SLC39A10: variants seen among roughly 807,000 people sequenced by gnomAD.
SLC39A10 encodes zinc transporter ZIP10.
SLC39A10 carries 13 observed loss-of-function variants against 65.1 expected under a neutral mutation model. The ratio of observed to expected loss-of-function variants is 0.20; its 90% CI spans 0.13 to 0.32. The LOEUF is 0.32. SLC39A10 is among the 10% of genes least tolerant of loss of function. SLC39A10 has a pLI of 1.00. For synonymous variants in SLC39A10, 321 were observed against 342.2 expected, an observed-to-expected ratio of 0.94 and a Z score of 0.68; for missense variants, 831 against 1,018.4, an observed-to-expected ratio of 0.82 and a Z score of 2.50.
At chr2:195,639,325 T>C (rs990556144) in intron 2 of SLC39A10, among the ~76,000 whole-genome samples, 1 of 152,206 alleles carries the variant, frequency 6.6e-6, no homozygotes, top group Non-Finnish European at 1.5e-5. Flanking sequence ...ATGATCAGAC[T>C]GGGGTTAAGA....
chr2:195,665,873 T>G (rs1689615645), intron 1 of SLC39A10, among the ~76,000 whole-genome samples: 1 of 152,238 alleles, frequency 6.6e-6, no homozygotes, highest in Non-Finnish European at 1.5e-5. Flanking sequence ...CATACCTTCC[T>G]ATTTCCTGTA....
intron 2 of SLC39A10, among the ~76,000 whole-genome samples, chr2:195,617,756 T>TTTATTTTATTTTAC (rs1688251585): frequency 6.6e-6 from 1 of 151,212 alleles, no homozygotes; most frequent in Admixed American, 6.6e-5. Flanking sequence ...TTTATTTTAT[T>TTTATTTTATTTTAC]TTTGAGACAG....
intron 9 of SLC39A10, among the ~76,000 whole-genome samples, chr2:195,729,961 A>ATTTT (rs58936616): frequency 0.37 from 33,702 of 91,644 alleles, 7,117 homozygotes; most frequent in Non-Finnish European, 0.45. Context: ...ACCATGCCTA[A>ATTTT]TTTTTTTTTT....
intron 2 of SLC39A10, among the ~76,000 whole-genome samples, chr2:195,633,253 T>C (rs2105698784): frequency 6.6e-6 from 1 of 152,338 alleles, no homozygotes; most frequent in Non-Finnish European, 1.5e-5. Context: ...CAAACTCCAC[T>C]CCACTCAACT....
At chr2:195,637,103 G>A (rs1167646018) in intron 2 of SLC39A10, among the ~76,000 whole-genome samples, 4 of 152,182 alleles carry the variant, frequency 2.6e-5, no homozygotes, top group Admixed American at 2.0e-4. Context: ...CCACAGTTAA[G>A]GTGAATGAGA....
At position 195,716,714 on chromosome 2, in the gene SLC39A10, C is replaced by T. The variant is rs1357479505; in HGVS notation, c.1774C>T (p.Pro592Ser). 5 of 1,614,058 alleles carry T rather than the reference C, an allele frequency of 3.1e-6. No individual in the cohort carries two copies. The Middle Eastern group carries it at 4.9e-4, about 160-fold the overall frequency. Residue 592 changes from proline to serine, a missense_variant, in exon 7 of 10, where the codon CCT (proline) becomes TCT (serine). Pro to Ser is a moderately conservative substitution (Grantham distance 74). Transcript: ENST00000359634. ...AGATTTAGAAGGCCAACAAGAATCCCCTCCTAAAAATTACCTTTGTATAGA... is the reference window on the plus strand; with the variant it reads ...AGATTTAGAAGGCCAACAAGAATCCTCTCCTAAAAATTACCTTTGTATAGA... ...LTDLEGQQES[P>S]PKNYLCIEEE...
At chr2:195,662,484 C>T (rs988921684) in intron 1 of SLC39A10, among the ~76,000 whole-genome samples, 1 of 20,216 alleles carries the variant, frequency 4.9e-5, no homozygotes, top group African/African-American at 2.0e-4. Context: ...CCATGTTGCC[C>T]AGGCTGGTCT....
At chr2:195,730,105 CATTGTTTATTTTTAA>C (rs1692387247) in intron 9 of SLC39A10, among the ~76,000 whole-genome samples, 1 of 151,564 alleles carries the variant, frequency 6.6e-6, no homozygotes, top group Non-Finnish European at 1.5e-5. Flanking sequence ...ATGCCCTGCC[CATTGTTTATTTTTAA>C]ATTTTCCTCT....
In SLC39A10 at chr2:195,630,916, C is replaced by CGGT. The variant is rs140655711; in HGVS notation, c.-12+24686_-12+24688dup. Among the ~76,000 whole-genome samples, 1,045 of 152,244 alleles carry CGGT rather than the reference C, an allele frequency of 6.9e-3. 9 individuals carry two copies. Among genetic ancestry groups the CGGT allele is most frequent in the African/African-American group, 0.024 (989 of 41,550 alleles). On this transcript the variant is annotated intron_variant, in intron 2 of 2. Transcript: ENST00000458054. ...AAATATATCAGCATTTGGCCTGGTG[C>CGGT]GGTGGCTCATGCCTGTAATCCCAGC...
chr2:195,670,774 C>T (rs556020573), intron 1 of SLC39A10, among the ~76,000 whole-genome samples: 8 of 152,082 alleles, frequency 5.3e-5, no homozygotes, highest in African/African-American at 1.9e-4. Flanking sequence ...TTTACAACTT[C>T]TTGTGAATCT....
intron 2 of SLC39A10, among the ~76,000 whole-genome samples, chr2:195,617,895 A>G (rs1286006265): frequency 2.0e-5 from 3 of 150,518 alleles, no homozygotes; most frequent in Non-Finnish European, 3.0e-5. Flanking sequence ...GCCCGCCACC[A>G]CGCCCGGCTA....
At chr2:195,624,747 C>A (rs1356973874) in intron 2 of SLC39A10, among the ~76,000 whole-genome samples, 4 of 151,572 alleles carry the variant, frequency 2.6e-5, no homozygotes, top group African/African-American at 9.7e-5. Flanking sequence ...TGGTCGATGG[C>A]GGGCGCCTGT....
chr2:195,650,151 G>A (rs1434122347), intron 2 of SLC39A10, among the ~76,000 whole-genome samples: 1 of 151,966 alleles, frequency 6.6e-6, no homozygotes, highest in Non-Finnish European at 1.5e-5. Flanking sequence ...GCATGGTGGT[G>A]GGCAGCTGTA....
At chr2:195,702,861 A>G (rs1691247329) in intron 3 of SLC39A10, among the ~76,000 whole-genome samples, 1 of 152,188 alleles carries the variant, frequency 6.6e-6, no homozygotes, top group Non-Finnish European at 1.5e-5. Flanking sequence ...TGTGGTGTTG[A>G]GTATTGTTTG....
At chr2:195,671,340 G>C (rs531393784) in intron 1 of SLC39A10, among the ~76,000 whole-genome samples, 6 of 152,274 alleles carry the variant, frequency 3.9e-5, no homozygotes, top group African/African-American at 1.4e-4. Context: ...AACAGCAAAA[G>C]ATGAAAATAA....
chr2:195,653,933 T>C (rs1158638062), upstream of SLC39A10, among the ~76,000 whole-genome samples: 1 of 152,178 alleles, frequency 6.6e-6, no homozygotes, highest in African/African-American at 2.4e-5. Flanking sequence ...TCGTGTTCTT[T>C]TTTTTGTTTG....
At position 195,680,390 on chromosome 2, in the gene SLC39A10, A is replaced by G. The variant is rs1329565353; in HGVS notation, c.348A>G (p.Ala116=). The G allele has an allele frequency of 2.5e-6, 4 of 1,613,998 alleles. No homozygotes were observed. The Admixed American group carries it at 6.7e-5, about 27-fold the overall frequency. Reference sequence around the variant, plus strand: ...ATGTTTCTCATTTAGATATTTTGGCAGTTCAAGAGGGAAAGCATTTTCACT... The same window carrying G: ...ATGTTTCTCATTTAGATATTTTGGCGGTTCAAGAGGGAAAGCATTTTCACT... ...HDHVSHLDIL[A]VQEGKHFHSH... Residue 116 remains alanine, a synonymous_variant, in exon 2 of 10, where the codon GCA becomes GCG. Coordinates refer to ENST00000359634, the MANE Select transcript of SLC39A10 (RefSeq NM_020342.3).
At chr2:195,726,185 C>T (rs1026243342) in intron 8 of SLC39A10, among the ~76,000 whole-genome samples, 2 of 152,168 alleles carry the variant, frequency 1.3e-5, no homozygotes, top group African/African-American at 2.4e-5. Context: ...AACCATCTTG[C>T]TATGGCAACA....
At chr2:195,730,766 G>T (rs919271757) in intron 9 of SLC39A10, among the ~76,000 whole-genome samples, 8 of 152,182 alleles carry the variant, frequency 5.3e-5, no homozygotes, top group African/African-American at 1.9e-4. Context: ...GACATGTTCA[G>T]AACAGCTCTT....
Sources: gnomAD v4.1 joint callset for allele counts (sites outside exome capture counted in the v4.1 genomes callset) on GRCh38, gnomAD v4.1.1 for gene constraint, MANE v1.5 for transcripts, NCBI Gene and HGNC (gene_info 2026-07-23, HGNC 2026-07-21) for gene names.